Variants in FYB2 observed in about 807,000 individuals in gnomAD.
FYB2 encodes the protein FYN-binding protein 2.
FYB2 carries 103 observed loss-of-function variants against 94.1 expected under a neutral mutation model. The ratio of observed to expected loss-of-function variants is 1.09; its 90% CI spans 0.93 to 1.29. The LOEUF (loss-of-function observed/expected upper bound fraction) is 1.29, where lower values mean the gene tolerates loss of function less well. Ranked by LOEUF, FYB2 falls within the 50% of genes most tolerant of loss-of-function variation. The probability of loss-of-function intolerance (pLI) is 0.00; values close to 1 mark genes in which losing one functional copy is unlikely to be tolerated. For synonymous variants in FYB2, 293 were observed against 287.9 expected (o/e 1.02, Z -0.18); for missense variants, 896 against 841.5 (o/e 1.06, Z -0.80).
chr1:56,727,636 C>G (rs1644611584), intron 15 of FYB2, among the ~76,000 whole-genome samples: 1 of 151,950 alleles, frequency 6.6e-6, no homozygotes, highest in African/African-American at 2.4e-5. Context: ...TTTGTTAAAA[C>G]TATTTTTATT....
upstream of FYB2, chr1:56,824,461 G>C (rs1647012514): frequency 6.6e-6 from 1 of 152,196 alleles, no homozygotes; most frequent in Non-Finnish European, 1.5e-5. Context: ...CAATTGGTAT[G>C]TGACTTATGA....
At chr1:56,758,183 C>T (rs956084195) in intron 6 of FYB2, among the ~76,000 whole-genome samples, 1 of 151,886 alleles carries the variant, frequency 6.6e-6, no homozygotes, top group Non-Finnish European at 1.5e-5. Context: ...ATCTTATTTT[C>T]ATTCTCACAA....
intron 4 of FYB2, 80 bp from the exon 5 acceptor site, chr1:56,768,018 A>G: frequency 1.8e-6 from 2 of 1,107,252 alleles, no homozygotes; most frequent in Non-Finnish European, 1.3e-6. Context: ...TCCTCATTAG[A>G]GAAATAATAT....
chr1:56,727,636 CTA>C (rs1644611650), intron 15 of FYB2, among the ~76,000 whole-genome samples: 2 of 152,068 alleles, frequency 1.3e-5, no homozygotes, highest in African/African-American at 2.4e-5. Flanking sequence ...TTTGTTAAAA[CTA>C]TTTTTATTTT....
intron 1 of FYB2, among the ~76,000 whole-genome samples, chr1:56,799,853 A>C (rs1447999129): frequency 6.6e-6 from 1 of 152,192 alleles, no homozygotes; most frequent in Non-Finnish European, 1.5e-5. Context: ...ACTGCACAGC[A>C]AGCTGCCTTG....
intron 15 of FYB2, 124 bp downstream of exon 15, chr1:56,736,963 T>C (rs1644842884): frequency 2.6e-6 from 2 of 766,732 alleles, no homozygotes; most frequent in Admixed American, 3.0e-5. Flanking sequence ...GAGAAGACTA[T>C]CTTAAGTTGA....
chr1:56,771,923 C>T (rs1321246962), intron 4 of FYB2, among the ~76,000 whole-genome samples: 2 of 151,568 alleles, frequency 1.3e-5, no homozygotes, highest in Non-Finnish European at 2.9e-5. Flanking sequence ...GTTTTTTTTG[C>T]ATAGTTGCAT....
intron 17 of FYB2, 106 bp from the exon 18 acceptor site, chr1:56,720,435 C>T: frequency 9.9e-7 from 1 of 1,011,298 alleles, no homozygotes; most frequent in Non-Finnish European, 1.4e-6. Context: ...ACTCAAGATA[C>T]TATTGACTAG....
chr1:56,798,649 G>T (rs1368731512), intron 1 of FYB2, among the ~76,000 whole-genome samples: 1 of 151,870 alleles, frequency 6.6e-6, no homozygotes, highest in Non-Finnish European at 1.5e-5. Flanking sequence ...AAGGAATAAT[G>T]ATAATAATAA....
At chr1:56,800,514 G>A (rs1646495930) in intron 1 of FYB2, among the ~76,000 whole-genome samples, 1 of 152,010 alleles carries the variant, frequency 6.6e-6, no homozygotes, top group South Asian at 2.1e-4. Flanking sequence ...TAAAATAATT[G>A]CACCCCCATT....
At chr1:56,761,730 C>G (rs902683205) in intron 5 of FYB2, among the ~76,000 whole-genome samples, 1 of 152,140 alleles carries the variant, frequency 6.6e-6, no homozygotes, top group Non-Finnish European at 1.5e-5. Flanking sequence ...GTTCAAGGGA[C>G]AGTCACCCAA....
chr1:56,803,457 A>C (rs931145096), intron 1 of FYB2, among the ~76,000 whole-genome samples: 1 of 152,192 alleles, frequency 6.6e-6, no homozygotes, highest in Non-Finnish European at 1.5e-5. Flanking sequence ...AGCTCCAGGC[A>C]TAATCAATGG....
rs375585278 is a variant in FYB2 at position 56,773,963 on chromosome 1, C to T, written c.954-6025G>A. Among the ~76,000 whole-genome samples the T allele has an allele frequency of 2.0e-5, 3 of 152,188 alleles. No homozygotes were observed. In the South Asian group the frequency reaches 6.2e-4, roughly 32 times the overall value. Reference sequence around the variant, plus strand: ...ATTTCCAGTAAACAAATTAAGAATACCCTACTCATAGCCCTTCACCCTAAG... The same window carrying T: ...ATTTCCAGTAAACAAATTAAGAATATCCTACTCATAGCCCTTCACCCTAAG... On this transcript the variant is annotated intron_variant, in intron 4 of 19. Transcript: ENST00000343433.
chr1:56,751,165 C>A lies in FYB2; in HGVS notation c.1266G>T (p.Met422Ile). The change falls in exon 9 of 20, where the codon ATG (methionine) becomes ATT (isoleucine). Residue 422 changes from methionine to isoleucine, a missense_variant. Physicochemically the swap from Met to Ile is conservative, Grantham distance 10. Transcript: ENST00000343433. Reference protein sequence around the residue: ...ACEGTPEKIQMTNVHTGRRNM... With the variant: ...ACEGTPEKIQITNVHTGRRNM... Reference sequence around the variant, plus strand: ...TCCTTCTACCTGTGTGGACGTTGGTCATCTGAATTTTTTCAGGTGTCCCTT... The same window carrying A: ...TCCTTCTACCTGTGTGGACGTTGGTAATCTGAATTTTTTCAGGTGTCCCTT... 1 of 1,612,572 alleles carries A rather than the reference C, an allele frequency of 6.2e-7. No homozygotes were observed. Among genetic ancestry groups the A allele is most frequent in the South Asian group, 1.1e-5 (1 of 91,018 alleles).
intron 6 of FYB2, among the ~76,000 whole-genome samples, chr1:56,757,480 C>A (rs1049817704): frequency 6.6e-6 from 1 of 152,102 alleles, no homozygotes; most frequent in East Asian, 1.9e-4. Context: ...TGCTTACATA[C>A]TGTGTTTGCC....
chr1:56,753,040 C>A (rs1645237387), intron 8 of FYB2, among the ~76,000 whole-genome samples: 1 of 152,070 alleles, frequency 6.6e-6, no homozygotes, highest in Admixed American at 6.6e-5. Flanking sequence ...TCTGAACACC[C>A]AACATGGTCC....
At chr1:56,790,853 T>G (rs1646245265) in intron 2 of FYB2, among the ~76,000 whole-genome samples, 1 of 152,154 alleles carries the variant, frequency 6.6e-6, no homozygotes, top group African/African-American at 2.4e-5. Context: ...CTCGGAAAGT[T>G]TTTTTTGAAC....
chr1:56,786,564 T>C (rs527772344), intron 4 of FYB2, among the ~76,000 whole-genome samples: 2 of 152,326 alleles, frequency 1.3e-5, no homozygotes, highest in African/African-American at 2.4e-5. Context: ...AGTGTAGTTA[T>C]GGCACATCTG....
intron 4 of FYB2, among the ~76,000 whole-genome samples, chr1:56,776,797 A>G (rs1403674976): frequency 2.0e-5 from 3 of 152,184 alleles, no homozygotes; most frequent in Non-Finnish European, 2.9e-5. Flanking sequence ...AAACACTGCT[A>G]TTACAAACAA....
Sources: gnomAD v4.1 joint callset for allele counts (sites outside exome capture counted in the v4.1 genomes callset) on GRCh38, gnomAD v4.1.1 for gene constraint, MANE v1.5 for transcripts, NCBI Gene and HGNC (gene_info 2026-07-23, HGNC 2026-07-21) for gene names.